ZFPM1: variants seen among roughly 807,000 people sequenced by gnomAD.
ZFPM1 encodes the protein zinc finger protein, FOG family member 1.
A neutral mutation model predicts 46.3 loss-of-function variants in ZFPM1; 28 were observed. The ratio of observed to expected loss-of-function variants is 0.60; its 90% CI spans 0.45 to 0.83. ZFPM1 has a LOEUF of 0.83. ZFPM1 is among the 40% of genes least tolerant of loss of function. The pLI is 0.00. For synonymous variants in ZFPM1, 957 were observed against 675.9 expected (o/e 1.42, Z -6.45); for missense variants, 1,878 against 1,432.4 (o/e 1.31, Z -5.02).
rs138649888 is a variant in ZFPM1, at chr16:88,532,847, G to A, written c.1101G>A (p.Leu367=). The A allele has an allele frequency of 6.2e-7, 1 of 1,613,484 alleles. No homozygotes were observed. The change falls in exon 9 of 10, where the codon TTG becomes TTA. Residue 367 remains leucine, a synonymous_variant. Coordinates refer to ENST00000319555, the MANE Select transcript of ZFPM1 (RefSeq NM_153813.3). ...CAAGGGACATCCTCTACAGCCACTT[G>A]GTCACCAACCACATGGTCTGCCAGC... is the stretch of plus-strand genomic sequence containing the variant. The part of the protein sequence containing the change: ...STTRDILYSH[L]VTNHMVCQPG...
chr16:88,474,383 C>T (rs1908577049), intron 1 of ZFPM1, among the ~76,000 whole-genome samples: 1 of 152,148 alleles, frequency 6.6e-6, no homozygotes, highest in Admixed American at 6.5e-5. Context: ...GCAGCAGCTG[C>T]CCGGCCAGGG....
intron 1 of ZFPM1, among the ~76,000 whole-genome samples, chr16:88,454,725 C>A (rs1226317816): frequency 6.6e-6 from 1 of 152,338 alleles, no homozygotes; most frequent in Middle Eastern, 3.4e-3. Context: ...AATAACTTTG[C>A]GCCTCACAGT....
chr16:88,454,441 T>G (rs1365167403), intron 1 of ZFPM1, among the ~76,000 whole-genome samples: 1 of 152,164 alleles, frequency 6.6e-6, no homozygotes, highest in African/African-American at 2.4e-5. Context: ...TGCCCTCGGA[T>G]GCCCGCGGGC....
At chr16:88,453,794 C>T in intron 1 of ZFPM1, 116 bp downstream of exon 1, 1 of 556,850 alleles carries the variant, frequency 1.8e-6, no homozygotes, top group East Asian at 1.2e-4. Flanking sequence ...ACCTTCACCC[C>T]GCGCCGCGCC....
Position 88,473,954 on chromosome 16 carries a change from T to A in ZFPM1, c.41-11985T>A, listed in dbSNP as rs114362790. Among the ~76,000 whole-genome samples the A allele has an allele frequency of 9.2e-3, 1,399 of 152,104 alleles. 22 individuals are homozygous for A. The highest frequency in any genetic ancestry group is 0.032 in the African/African-American group (1,348 of 41,484). On this transcript the variant is annotated intron_variant, in intron 1 of 9. Coordinates refer to ENST00000319555, the MANE Select transcript of ZFPM1 (RefSeq NM_153813.3). ...TAATCGGTTCTCCGGAGTGAAGCAA[T>A]CTCATGTAATCTATCAGTGGCTATC...
intron 1 of ZFPM1, among the ~76,000 whole-genome samples, chr16:88,456,033 CG>C: frequency 6.6e-6 from 1 of 152,310 alleles, no homozygotes; most frequent in South Asian, 2.1e-4. Flanking sequence ...GAGAACAGCG[CG>C]GGGGCGCCGC....
chr16:88,516,596 C>A (rs1463612376), intron 4 of ZFPM1: 1 of 398,586 alleles, frequency 2.5e-6, no homozygotes, highest in South Asian at 1.3e-4. Flanking sequence ...AGTGTCCAGA[C>A]ACACCGTACA....
chr16:88,481,469 C>T (rs1908935574), intron 1 of ZFPM1, among the ~76,000 whole-genome samples: 1 of 151,344 alleles, frequency 6.6e-6, no homozygotes, highest in South Asian at 2.1e-4. Flanking sequence ...CAGGGCAGCT[C>T]GCAAGTCGGC....
At position 88,526,919 on chromosome 16, in the gene ZFPM1, C is replaced by G. The variant is rs533906121; in HGVS notation, c.505+3C>G. 3.3e-5 allele frequency: 51 copies of G among 1,565,038 alleles called. No individual in the cohort carries two copies. Among genetic ancestry groups the G allele is most frequent in the Non-Finnish European group, 4.2e-5 (49 of 1,154,406 alleles). On this transcript the variant is annotated splice_donor_region_variant and intron_variant, in intron 5 of 9. Transcript: ENST00000319555. The stretch of plus-strand genomic sequence containing the variant: ...CAACACAGAGATCCACAGGAAGGGT[C>G]AGTATGACGCGGCACCTCCGTCCCA...
In ZFPM1 at chr16:88,480,035, C is replaced by T. The variant is rs960206988; in HGVS notation, c.41-5904C>T. On this transcript the variant is annotated intron_variant, in intron 1 of 9. Transcript: ENST00000319555. The surrounding 1 kb of genome is among the most constrained non-coding windows in gnomAD (Gnocchi z 4.9). Reference sequence around the variant, plus strand: ...CTGCCAACACCTGGCTGAGTCCTAACGCCAGCCTTTGGCAAGACAGTTTGA... The same window carrying T: ...CTGCCAACACCTGGCTGAGTCCTAATGCCAGCCTTTGGCAAGACAGTTTGA... 3.3e-5 allele frequency among the ~76,000 whole-genome samples: 5 copies of T among 151,952 alleles called. No individual in the cohort carries two copies. The highest frequency in any genetic ancestry group is 6.6e-5 in the Admixed American group (1 of 15,254).
rs1913141634 is a variant in ZFPM1, at chr16:88,534,679, C to T, written c.2721C>T (p.Ala907=). 3.0e-6 allele frequency: 3 copies of T among 991,272 alleles called. No individual in the cohort carries two copies. The highest frequency in any genetic ancestry group is 9.0e-5 in the South Asian group (2 of 22,164). 61.4% of individuals were successfully genotyped at this position (991,272 alleles called of 1,614,324 possible). A position where few individuals can be genotyped will look rare whatever the true frequency, so the allele number is the denominator to read the frequency against. Reference sequence around the variant, plus strand: ...GCCCCTCGCCCGCTCCCGCCCCCGCCGCCTCCCCGCAGCCCGGGTCCCGTG... The same window carrying T: ...GCCCCTCGCCCGCTCCCGCCCCCGCTGCCTCCCCGCAGCCCGGGTCCCGTG... ...DRGPSPAPAP[A]ASPQPGSRGP... The change falls in exon 10 of 10, where the codon GCC becomes GCT. Residue 907 remains alanine, a synonymous_variant. Coordinates refer to ENST00000319555, the MANE Select transcript of ZFPM1 (RefSeq NM_153813.3).
chr16:88,527,541 G>A (rs1431311988), intron 5 of ZFPM1, among the ~76,000 whole-genome samples: 3 of 152,156 alleles, frequency 2.0e-5, no homozygotes, highest in Non-Finnish European at 4.4e-5. Context: ...GCTCAGGCCT[G>A]AGGGCGGCAC....
chr16:88,493,441 G>C (rs1284810811), intron 3 of ZFPM1, among the ~76,000 whole-genome samples: 29 of 143,500 alleles, frequency 2.0e-4, no homozygotes, highest in South Asian at 6.8e-4. Flanking sequence ...CCCGGGGTAC[G>C]GAGAGCTGTC....
At position 88,534,888 on chromosome 16, in the gene ZFPM1, G is replaced by C. The variant is rs1362108490; in HGVS notation, c.2930G>C (p.Arg977Pro). 1.9e-6 allele frequency: 3 copies of C among 1,567,730 alleles called. No homozygotes were observed. In the African/African-American group the frequency reaches 4.2e-5, roughly 22 times the overall value. ...PLPNGNHRYC[R>P]LCNIKFSSLS... ...CCCAACGGCAACCACCGGTACTGCC[G>C]TCTTTGCAACATCAAGTTCAGCAGC... Residue 977 changes from arginine (R) to proline (P), a missense_variant, in exon 10 of 10, where the codon CGT becomes CCT. Arg to Pro is a moderately radical substitution (Grantham distance 103, BLOSUM62 -2). Transcript: ENST00000319555.
Position 88,533,627 on chromosome 16 carries a change from G to T in ZFPM1, c.1669G>T (p.Gly557Cys). The change falls in exon 10 of 10, where the codon GGC (glycine) becomes TGC (cysteine). Residue 557 changes from glycine (G) to cysteine (C), a missense_variant. By Grantham distance (159) the Gly-to-Cys change is radical. Transcript: ENST00000319555. ...GCTGGTGCACAGCCGGCTGCAGCAG[G>T]GCGCGGGCGCGGGCGCCGGCGGCGC... ...SELVHSRLQQ[G>C]AGAGAGGAQT... is the part of the protein sequence containing the mutation. 1.4e-6 allele frequency: 2 copies of T among 1,452,922 alleles called. No individual in the cohort carries two copies. Among genetic ancestry groups the T allele is most frequent in the Admixed American group, 2.7e-5 (1 of 36,652 alleles). 90.0% of individuals were successfully genotyped at this position (1,452,922 alleles called of 1,614,324 possible). A position where few individuals can be genotyped will look rare whatever the true frequency, so the allele number is the denominator to read the frequency against.
intron 4 of ZFPM1, among the ~76,000 whole-genome samples, chr16:88,526,067 C>A (rs561981265): frequency 6.6e-6 from 1 of 152,296 alleles, no homozygotes; most frequent in East Asian, 1.9e-4. Context: ...GCCAGGGGGG[C>A]CAGGGCCGAT....
At chr16:88,466,493 G>A (rs944635301) in intron 1 of ZFPM1, among the ~76,000 whole-genome samples, 1 of 152,166 alleles carries the variant, frequency 6.6e-6, no homozygotes, top group African/African-American at 2.4e-5. Context: ...GGCAGCCCAC[G>A]AGCCTCCCAG....
intron 3 of ZFPM1, among the ~76,000 whole-genome samples, chr16:88,511,294 G>A (rs1910946388): frequency 6.6e-6 from 1 of 151,852 alleles, no homozygotes; most frequent in Non-Finnish European, 1.5e-5. Context: ...GACAAGCACT[G>A]AGCTCACGGT....
intron 1 of ZFPM1, among the ~76,000 whole-genome samples, chr16:88,454,187 G>A (rs1207540363): frequency 6.6e-6 from 1 of 152,102 alleles, no homozygotes; most frequent in Non-Finnish European, 1.5e-5. Flanking sequence ...ACCCGGGGCC[G>A]CGGAGATGCC....
Sources: allele counts gnomAD v4.1 joint callset (sites outside exome capture counted in the v4.1 genomes callset), GRCh38; gene constraint gnomAD v4.1.1; non-coding constraint Gnocchi (gnomAD v3.1); transcripts MANE v1.5; gene names NCBI Gene and HGNC (gene_info 2026-07-23, HGNC 2026-07-21).